Variants in TMC1 observed in about 807,000 individuals in gnomAD.
The protein encoded by TMC1 is transmembrane channel-like protein 1.
TMC1 carries 84 observed loss-of-function variants against 105.8 expected under a neutral mutation model. The ratio of observed to expected loss-of-function variants is 0.79; its 90% CI spans 0.67 to 0.95. The LOEUF (loss-of-function observed/expected upper bound fraction) is 0.95. Among genes scored for constraint, TMC1 ranks in the 40% least tolerant of loss-of-function variants. TMC1 has a pLI of 0.00. For synonymous variants in TMC1, 315 were observed against 311.5 expected (o/e 1.01, Z -0.12); for missense variants, 817 against 914.1 (o/e 0.89, Z 1.37).
intron 5 of TMC1, among the ~76,000 whole-genome samples, chr9:72,659,529 G>T (rs1250344058): frequency 6.6e-6 from 1 of 152,206 alleles, no homozygotes; most frequent in Admixed American, 6.5e-5. Context: ...AGCTACTGGG[G>T]TGGGTGAGGC....
chr9:72,711,737 T>C (rs1826841271), intron 8 of TMC1, among the ~76,000 whole-genome samples: 1 of 152,218 alleles, frequency 6.6e-6, no homozygotes, highest in African/African-American at 2.4e-5. Flanking sequence ...AATCTGATAA[T>C]AGTTTCTTTT....
intron 3 of TMC1, among the ~76,000 whole-genome samples, chr9:72,620,451 A>G (rs1354175199): frequency 2.6e-5 from 4 of 151,800 alleles, no homozygotes; most frequent in Admixed American, 1.3e-4. Flanking sequence ...AGGTCTCACT[A>G]TGTTGTCCAG....
intron 1 of TMC1, among the ~76,000 whole-genome samples, chr9:72,558,011 CA>C (rs1205735808): frequency 6.6e-6 from 1 of 152,080 alleles, no homozygotes; most frequent in Non-Finnish European, 1.5e-5. Flanking sequence ...AGAGTATATT[CA>C]CAGAAAGAGG....
intron 17 of TMC1, among the ~76,000 whole-genome samples, chr9:72,795,051 T>C (rs1409541543): frequency 6.6e-6 from 1 of 152,060 alleles, no homozygotes; most frequent in Non-Finnish European, 1.5e-5. Flanking sequence ...ACTGGCTCTC[T>C]GAAATAAGAC....
At chr9:72,646,994 T>A (rs1226402966) in intron 4 of TMC1, among the ~76,000 whole-genome samples, 2 of 151,800 alleles carry the variant, frequency 1.3e-5, no homozygotes, top group Non-Finnish European at 2.9e-5. Flanking sequence ...ATACAAAAAT[T>A]AGCCCGGTGT....
At chr9:72,720,017 C>T (rs1826994647) in intron 8 of TMC1, among the ~76,000 whole-genome samples, 1 of 152,296 alleles carries the variant, frequency 6.6e-6, no homozygotes, top group Non-Finnish European at 1.5e-5. Context: ...AGTACTACTG[C>T]ATAAAGTTAT....
intron 3 of TMC1, among the ~76,000 whole-genome samples, chr9:72,621,864 C>T (rs1825256421): frequency 6.6e-6 from 1 of 152,136 alleles, no homozygotes; most frequent in African/African-American, 2.4e-5. Context: ...CTTGTTAATT[C>T]TACCTCTTGG....
chr9:72,661,856 A>G (rs554390134), intron 5 of TMC1, among the ~76,000 whole-genome samples: 17 of 152,354 alleles, frequency 1.1e-4, no homozygotes, highest in Non-Finnish European at 2.2e-4. Flanking sequence ...TGCTAAACTC[A>G]TAGCTGGTTT....
intron 8 of TMC1, among the ~76,000 whole-genome samples, chr9:72,738,999 A>C (rs924488371): frequency 4.0e-5 from 6 of 151,798 alleles, no homozygotes; most frequent in Non-Finnish European, 5.9e-5. Flanking sequence ...TTTTTGGTAA[A>C]TTGTTTTTCA....
chr9:72,692,143 G>A (rs909796225), intron 6 of TMC1, among the ~76,000 whole-genome samples: 7 of 152,168 alleles, frequency 4.6e-5, no homozygotes, highest in Admixed American at 3.3e-4. Context: ...CTATTCAAAC[G>A]GCTATCTTTG....
chr9:72,768,872 TG>T (rs1366242531), intron 12 of TMC1, among the ~76,000 whole-genome samples: 5 of 152,156 alleles, frequency 3.3e-5, no homozygotes, highest in Non-Finnish European at 7.3e-5. Context: ...AGATATCAGG[TG>T]GGGGGTGACC....
chr9:72,718,501 A>C (rs537706394), intron 8 of TMC1, among the ~76,000 whole-genome samples: 1 of 152,296 alleles, frequency 6.6e-6, no homozygotes, highest in Admixed American at 6.5e-5. Context: ...CAGTGGAGCT[A>C]CTGGTCTCTG....
chr9:72,825,423 C>G (rs1484833406), intron 20 of TMC1, among the ~76,000 whole-genome samples: 1 of 152,136 alleles, frequency 6.6e-6, no homozygotes, highest in African/African-American at 2.4e-5. Context: ...GTAGATGCGT[C>G]CATAATTTGT....
chr9:72,759,752 C>T (rs1483966683), intron 12 of TMC1, among the ~76,000 whole-genome samples: 1 of 152,162 alleles, frequency 6.6e-6, no homozygotes, highest in Non-Finnish European at 1.5e-5. Flanking sequence ...TATCTTCCAT[C>T]CTATATCTTA....
intron 20 of TMC1, 121 bp from the exon 21 acceptor site, chr9:72,826,748 G>T (rs1015725319): frequency 9.4e-7 from 1 of 1,069,170 alleles, no homozygotes; most frequent in African/African-American, 1.6e-5. Flanking sequence ...CTAAACATCA[G>T]ATTCCTACCC....
chr9:72,539,572 C>T (rs758757425), intron 1 of TMC1, among the ~76,000 whole-genome samples: 51 of 152,100 alleles, frequency 3.4e-4, no homozygotes, highest in Non-Finnish European at 6.3e-4. Context: ...TTTCTCATTT[C>T]CTTCTGAGAC....
At chr9:72,791,237 G>A (rs1192810977) in intron 15 of TMC1, among the ~76,000 whole-genome samples, 6 of 150,516 alleles carry the variant, frequency 4.0e-5, no homozygotes, top group Non-Finnish European at 8.8e-5. Context: ...TCTTGTCTCT[G>A]AAATTATAGC....
chr9:72,532,055 C>T (rs554112894), intron 1 of TMC1, among the ~76,000 whole-genome samples: 3 of 152,010 alleles, frequency 2.0e-5, no homozygotes, highest in Non-Finnish European at 2.9e-5. Context: ...CCTCAGCCTC[C>T]CAAGCAGCTG....
chr9:72,706,700 C>T (rs767666700), intron 8 of TMC1, among the ~76,000 whole-genome samples: 1 of 152,116 alleles, frequency 6.6e-6, no homozygotes, highest in Non-Finnish European at 1.5e-5. Context: ...TGAATTACTT[C>T]ACTTAGAATA....
Sources: gnomAD v4.1 joint callset for allele counts (sites outside exome capture counted in the v4.1 genomes callset) on GRCh38, gnomAD v4.1.1 for gene constraint, MANE v1.5 for transcripts, NCBI Gene and HGNC (gene_info 2026-07-23, HGNC 2026-07-21) for gene names.